The following UNC13C variants were observed in gnomAD, a reference collection of about 807,000 sequenced individuals.
The protein encoded by UNC13C is unc-13 homolog C, also known as protein unc-13 homolog C.
A neutral mutation model predicts 245.4 loss-of-function variants in UNC13C; 174 were observed. The observed-to-expected ratio is 0.71, with a 90% CI of 0.63 to 0.80. The LOEUF (loss-of-function observed/expected upper bound fraction) is 0.80, where lower values mean the gene tolerates loss of function less well. UNC13C is among the 30% of genes least tolerant of loss of function. UNC13C has a pLI of 0.00. For missense variants in UNC13C, 2,829 were observed against 2,602.9 expected (o/e 1.09, Z -1.89); for synonymous variants, 992 against 895.1 (o/e 1.11, Z -1.93).
chr15:53,903,099 A>G, the UNC13C span, among the ~76,000 whole-genome samples: 2 of 152,238 alleles, frequency 1.3e-5, no homozygotes, highest in African/African-American at 4.8e-5. Flanking sequence ...TGTCTAAAAC[A>G]TATTCTCCAA....
intron 19 of UNC13C, among the ~76,000 whole-genome samples, chr15:54,457,188 T>C (rs1193791521): frequency 6.6e-6 from 1 of 152,184 alleles, no homozygotes; most frequent in Non-Finnish European, 1.5e-5. Flanking sequence ...ATTTACTGAC[T>C]TGCATATGTT....
intron 2 of UNC13C, among the ~76,000 whole-genome samples, chr15:54,063,062 T>C (rs981086100): frequency 2.6e-5 from 4 of 152,264 alleles, no homozygotes; most frequent in East Asian, 1.9e-4. Flanking sequence ...AAACCTGTGG[T>C]ATTTGGTTTT....
At chr15:54,402,940 G>A (rs552060535) in intron 18 of UNC13C, among the ~76,000 whole-genome samples, 10 of 152,262 alleles carry the variant, frequency 6.6e-5, no homozygotes, top group Non-Finnish European at 1.5e-4. Context: ...CTTAATTCAT[G>A]AGACCATATC....
At chr15:54,008,046 T>C (rs1235750599) in intron 1 of UNC13C, among the ~76,000 whole-genome samples, 2 of 152,240 alleles carry the variant, frequency 1.3e-5, no homozygotes, top group African/African-American at 4.8e-5. Context: ...ATAAAATTGT[T>C]TGTTGATCTG....
chr15:54,436,403 A>G (rs892437889), intron 19 of UNC13C, among the ~76,000 whole-genome samples: 1 of 152,000 alleles, frequency 6.6e-6, no homozygotes, highest in Non-Finnish European at 1.5e-5. Flanking sequence ...AAGACTTGGA[A>G]CCAACCCAAA....
chr15:54,522,008 C>T (rs1205963315), intron 24 of UNC13C, among the ~76,000 whole-genome samples: 1 of 152,150 alleles, frequency 6.6e-6, no homozygotes, highest in Admixed American at 6.6e-5. Context: ...ACTGCATACA[C>T]AGTTATAGTA....
chr15:53,951,143 T>C, the UNC13C span, among the ~76,000 whole-genome samples: 1 of 152,344 alleles, frequency 6.6e-6, no homozygotes, highest in East Asian at 1.9e-4. Context: ...GATTTATATA[T>C]GTCTGCAACA....
At chr15:54,161,076 GA>G (rs1484457779) in intron 4 of UNC13C, among the ~76,000 whole-genome samples, 1 of 152,032 alleles carries the variant, frequency 6.6e-6, no homozygotes. Flanking sequence ...TGTTGTAAAA[GA>G]AATATTACCT....
chr15:54,403,023 A>G (rs1401800228), intron 18 of UNC13C, among the ~76,000 whole-genome samples: 1 of 152,168 alleles, frequency 6.6e-6, no homozygotes, highest in Non-Finnish European at 1.5e-5. Flanking sequence ...CACAATGGTA[A>G]TCTCCATCTC....
the UNC13C span, among the ~76,000 whole-genome samples, chr15:53,919,454 G>T: frequency 6.6e-6 from 1 of 152,182 alleles, no homozygotes; most frequent in Admixed American, 6.5e-5. Flanking sequence ...TTCCTAATTG[G>T]AATCAGGGAG....
At chr15:54,038,443 A>G (rs911812708) in intron 2 of UNC13C, among the ~76,000 whole-genome samples, 7 of 151,862 alleles carry the variant, frequency 4.6e-5, no homozygotes, top group African/African-American at 1.7e-4. Flanking sequence ...CCATTTGTAT[A>G]TCTTATTCTG....
chr15:53,931,493 C>T, the UNC13C span, among the ~76,000 whole-genome samples: 1 of 151,968 alleles, frequency 6.6e-6, no homozygotes, highest in Non-Finnish European at 1.5e-5. Flanking sequence ...AATCATAATG[C>T]TTGCATTACA....
At position 54,015,062 on chromosome 15, in the gene UNC13C, C is replaced by A. The variant is rs1173080403; in HGVS notation, c.2159C>A (p.Ser720Tyr). 6.2e-7 allele frequency: 1 copy of A among 1,612,754 alleles called. No individual in the cohort carries two copies. Among genetic ancestry groups the A allele is most frequent in the Non-Finnish European group, 8.5e-7 (1 of 1,179,472 alleles). Residue 720 changes from serine (S) to tyrosine (Y), a missense_variant, in exon 2 of 33, where the codon TCT (serine) becomes TAT (tyrosine). Coordinates refer to ENST00000260323, the MANE Select transcript of UNC13C (RefSeq NM_001080534.3). ...ESYDLTQDDN[S>Y]SPCPGLDNEP... ...TACGACTTAACTCAAGATGACAATTCTTCTCCATGCCCTGGCTTGGATAAT... is the reference window on the plus strand; with the variant it reads ...TACGACTTAACTCAAGATGACAATTATTCTCCATGCCCTGGCTTGGATAAT...
At chr15:54,172,046 G>A (rs558340707) in intron 4 of UNC13C, among the ~76,000 whole-genome samples, 1 of 152,160 alleles carries the variant, frequency 6.6e-6, no homozygotes, top group South Asian at 2.1e-4. Flanking sequence ...ATTTGTGGGA[G>A]CTAAAAATTA....
At chr15:54,056,372 G>T (rs908265440) in intron 2 of UNC13C, among the ~76,000 whole-genome samples, 1 of 152,058 alleles carries the variant, frequency 6.6e-6, no homozygotes, top group Non-Finnish European at 1.5e-5. Context: ...AATGGAAGAC[G>T]AAATGAATGA....
chr15:54,433,387 G>A (rs1312456971), intron 19 of UNC13C, among the ~76,000 whole-genome samples: 1 of 152,014 alleles, frequency 6.6e-6, no homozygotes, highest in Non-Finnish European at 1.5e-5. Context: ...TATCCACCAC[G>A]TTCAAGTCAG....
At chr15:54,132,647 C>T (rs1264111077) in intron 2 of UNC13C, among the ~76,000 whole-genome samples, 1 of 152,206 alleles carries the variant, frequency 6.6e-6, no homozygotes, top group Non-Finnish European at 1.5e-5. Context: ...CTAATGACAG[C>T]TCAGCAACCC....
At chr15:54,479,861 G>A (rs1893004937) in intron 19 of UNC13C, among the ~76,000 whole-genome samples, 1 of 151,956 alleles carries the variant, frequency 6.6e-6, no homozygotes. Context: ...AATTCCTTCT[G>A]TTTTTGTTTG....
chr15:54,544,518 C>CATT (rs1896400101), intron 26 of UNC13C, among the ~76,000 whole-genome samples: 3 of 152,210 alleles, frequency 2.0e-5, no homozygotes, highest in Admixed American at 2.0e-4. Flanking sequence ...TCTCTGTTTG[C>CATT]AGATGACATG....
Sources: allele counts gnomAD v4.1 joint callset (sites outside exome capture counted in the v4.1 genomes callset), GRCh38; gene constraint gnomAD v4.1.1; transcripts MANE v1.5; gene names NCBI Gene and HGNC (gene_info 2026-07-23, HGNC 2026-07-21).